FRMD3: variants seen among roughly 807,000 people sequenced by gnomAD.
FRMD3 encodes the protein FERM domain-containing protein 3.
FRMD3 carries 33 observed loss-of-function variants against 70.2 expected under a neutral mutation model. That is an observed-to-expected ratio of 0.47 (90% confidence interval 0.36 to 0.63). The LOEUF (loss-of-function observed/expected upper bound fraction) is 0.63. Ranked by LOEUF, FRMD3 falls within the 20% of genes least tolerant of loss-of-function variation. FRMD3 has a pLI of 0.00. For missense variants in FRMD3, 632 were observed against 711.4 expected, an observed-to-expected ratio of 0.89 and a Z score of 1.27; for synonymous variants, 279 against 255.9, an observed-to-expected ratio of 1.09 and a Z score of -0.86.
chr9:83,267,723 TTAA>T (rs1833335495), intron 13 of FRMD3, among the ~76,000 whole-genome samples: 1 of 152,210 alleles, frequency 6.6e-6, no homozygotes, highest in Non-Finnish European at 1.5e-5. Context: ...TCAAAATTTA[TTAA>T]TAATTAATCA....
At position 83,287,980 on chromosome 9, in the gene FRMD3, T is replaced by C. The variant is rs945087308; in HGVS notation, c.1195+2623A>G. ...GGTCTACAGGGTGTACAACTTGTAT[T>C]TGTCACAATTGTTGCATTAAGGAAT... On this transcript the variant is annotated intron_variant, in intron 13 of 13. Coordinates refer to ENST00000304195, the MANE Select transcript of FRMD3 (RefSeq NM_174938.6). 2.0e-5 allele frequency among the ~76,000 whole-genome samples: 3 copies of C among 152,202 alleles called. 1 individual carries two copies. The highest frequency in any genetic ancestry group is 3.8e-4 in the East Asian group (2 of 5,200).
intron 1 of FRMD3, among the ~76,000 whole-genome samples, chr9:83,488,659 G>T (rs1177508613): frequency 1.3e-5 from 2 of 152,148 alleles, no homozygotes; most frequent in Non-Finnish European, 2.9e-5. Context: ...GACCTCCGTG[G>T]CTAATCACAA....
At chr9:83,374,907 AAATATC>A (rs1454134038) in intron 2 of FRMD3, among the ~76,000 whole-genome samples, 1 of 152,226 alleles carries the variant, frequency 6.6e-6, no homozygotes, top group Non-Finnish European at 1.5e-5. Flanking sequence ...AATAGCAGCA[AAATATC>A]AATACTTACT....
intron 13 of FRMD3, among the ~76,000 whole-genome samples, chr9:83,269,999 GTC>G (rs1364029639): frequency 7.2e-5 from 11 of 152,162 alleles, no homozygotes; most frequent in Admixed American, 7.2e-4. Context: ...CCACAGGGGT[GTC>G]TACCTTTCAA....
At chr9:83,249,607 T>C (rs376096833) in intron 13 of FRMD3, among the ~76,000 whole-genome samples, 5 of 152,320 alleles carry the variant, frequency 3.3e-5, no homozygotes, top group African/African-American at 1.2e-4. Context: ...TATTTCATGA[T>C]AGCTCTAGTC....
intron 6 of FRMD3, among the ~76,000 whole-genome samples, chr9:83,333,418 T>C (rs902084412): frequency 1.3e-5 from 2 of 152,184 alleles, no homozygotes; most frequent in Admixed American, 1.3e-4. Flanking sequence ...CTTCCCTGAG[T>C]GCATGATGAC....
Position 83,372,964 on chromosome 9 carries a change from G to GAAA in FRMD3, c.253-12_253-10dup. 7 of 1,416,576 alleles carry GAAA rather than the reference G, an allele frequency of 4.9e-6. No individual in the cohort carries two copies. Among genetic ancestry groups the GAAA allele is most frequent in the Admixed American group, 1.8e-5 (1 of 54,074 alleles). The allele number at this position is 1,416,576 out of a possible 1,614,324, so 87.8% of individuals were successfully genotyped here. On this transcript the variant is annotated splice_polypyrimidine_tract_variant and intron_variant, in intron 2 of 13. Transcript: ENST00000304195. Reference sequence around the variant, plus strand: ...TTAGGTTCAAGCCAGTGCTAGGGAGGAAAAAAAAAAAAGCAGAGATCAGGG... The same window carrying GAAA: ...TTAGGTTCAAGCCAGTGCTAGGGAGGAAAAAAAAAAAAAAAGCAGAGATCAGGG...
rs61368662 is a variant in FRMD3, at chr9:83,381,641, G to A, written c.252+7963C>T. On this transcript the variant is annotated intron_variant, in intron 2 of 13. Coordinates refer to ENST00000304195, the MANE Select transcript of FRMD3 (RefSeq NM_174938.6). ...AGCCATGATGTTTTTGTATTCTAGG[G>A]TCTCAGGGATGGGCAAAAGAGAGAT... 6.2e-3 allele frequency among the ~76,000 whole-genome samples: 939 copies of A among 152,180 alleles called. 9 individuals carry two copies. Among genetic ancestry groups the A allele is most frequent in the African/African-American group, 0.02 (851 of 41,514 alleles).
rs1823389363 is a variant in FRMD3, at chr9:83,331,924, G to C, written c.596+3592C>G. ...TGGGATGAGTCCTGATCAGAGAGTTGTAAGCAGAAGTGCTATGAATCACTT... is the reference window on the plus strand; with the variant it reads ...TGGGATGAGTCCTGATCAGAGAGTTCTAAGCAGAAGTGCTATGAATCACTT... On this transcript the variant is annotated intron_variant, in intron 6 of 13. Coordinates refer to ENST00000304195, the MANE Select transcript of FRMD3 (RefSeq NM_174938.6). 81 of 715,082 alleles carry C rather than the reference G, an allele frequency of 1.1e-4. 1 individual carries two copies. In the South Asian group the frequency reaches 1.2e-3, roughly 11 times the overall value. The allele number at this position is 715,082 out of a possible 1,614,324, so 44.3% of individuals were successfully genotyped here.
intron 1 of FRMD3, among the ~76,000 whole-genome samples, chr9:83,483,669 C>A (rs969405111): frequency 6.6e-6 from 1 of 151,996 alleles, no homozygotes; most frequent in Non-Finnish European, 1.5e-5. Flanking sequence ...GACCAGCCTG[C>A]GCAACATACT....
intron 2 of FRMD3, among the ~76,000 whole-genome samples, chr9:83,389,042 C>A (rs1381801993): frequency 1.3e-5 from 2 of 150,384 alleles, no homozygotes; most frequent in Non-Finnish European, 2.9e-5. Flanking sequence ...ACCTCCCAGG[C>A]TCAAGCTATT....
At chr9:83,482,304 G>A (rs1342789445) in intron 1 of FRMD3, among the ~76,000 whole-genome samples, 1 of 152,138 alleles carries the variant, frequency 6.6e-6, no homozygotes, top group Non-Finnish European at 1.5e-5. Flanking sequence ...AAATAATAAC[G>A]GGAAAAGAGT....
intron 1 of FRMD3, among the ~76,000 whole-genome samples, chr9:83,476,257 A>G (rs1828394049): frequency 1.3e-5 from 2 of 151,944 alleles, no homozygotes; most frequent in Admixed American, 6.6e-5. Context: ...GGTGGTGCAC[A>G]CCTGTAATCC....
chr9:83,535,014 C>T (rs1210637693), intron 1 of FRMD3, among the ~76,000 whole-genome samples: 1 of 152,208 alleles, frequency 6.6e-6, no homozygotes, highest in African/African-American at 2.4e-5. Context: ...ATGTCAAAGA[C>T]ATACATAAGC....
intron 13 of FRMD3, among the ~76,000 whole-genome samples, chr9:83,262,802 G>T (rs1480317636): frequency 1.3e-5 from 2 of 152,078 alleles, no homozygotes; most frequent in African/African-American, 4.8e-5. Flanking sequence ...CTCTGGGAAG[G>T]CTCTCCTATC....
chr9:83,555,537 A>T, the FRMD3 span, among the ~76,000 whole-genome samples: 1 of 152,134 alleles, frequency 6.6e-6, no homozygotes, highest in Non-Finnish European at 1.5e-5. Flanking sequence ...CCCCTAGGAG[A>T]TCCTTCTCAG....
At chr9:83,534,771 GC>G (rs1829857552) in intron 1 of FRMD3, among the ~76,000 whole-genome samples, 1 of 152,150 alleles carries the variant, frequency 6.6e-6, no homozygotes, top group Non-Finnish European at 1.5e-5. Context: ...GGTGGAAATG[GC>G]CCCCAGTGAC....
chr9:83,378,706 GTATACTTTATATTATATATAATATA>G (rs1267879517), intron 2 of FRMD3, among the ~76,000 whole-genome samples: 25 of 84,226 alleles, frequency 3.0e-4, no homozygotes, highest in South Asian at 1.3e-3. Flanking sequence ...TATATAATAT[GTATACTTTATATTATATATAATATA>G]TATACTTTAT....
rs987104226 is a variant in FRMD3 at position 83,246,809 on chromosome 9, T to C, written c.*1109A>G. 8.1e-6 allele frequency: 8 copies of C among 985,406 alleles called. No homozygotes were observed. Among genetic ancestry groups the C allele is most frequent in the Non-Finnish European group, 9.6e-6 (8 of 829,924 alleles). The allele number at this position is 985,406 out of a possible 1,614,324, so 61.0% of individuals were successfully genotyped here. Reference sequence around the variant, plus strand: ...ATTTAGATCCACTTAAACATGTTCATGTTAACTCAGACAGCGACTGCACTG... The same window carrying C: ...ATTTAGATCCACTTAAACATGTTCACGTTAACTCAGACAGCGACTGCACTG... On this transcript the variant is annotated 3_prime_UTR_variant, in exon 14 of 14. Coordinates refer to ENST00000304195, the MANE Select transcript of FRMD3 (RefSeq NM_174938.6).
Sources: allele counts gnomAD v4.1 joint callset (sites outside exome capture counted in the v4.1 genomes callset), GRCh38; gene constraint gnomAD v4.1.1; transcripts MANE v1.5; gene names NCBI Gene and HGNC (gene_info 2026-07-23, HGNC 2026-07-21).